The following DESI2 variants were observed in gnomAD, a reference collection of about 807,000 sequenced individuals.
DESI2 encodes deubiquitinase DESI2.
Under a neutral mutation model 24.1 loss-of-function variants are expected in DESI2, and 10 were observed. The ratio of observed to expected loss-of-function variants is 0.41; its 90% CI spans 0.26 to 0.70. The LOEUF (loss-of-function observed/expected upper bound fraction) is 0.70. DESI2 is among the 30% of genes least tolerant of loss of function. DESI2 has a pLI of 0.29. For synonymous variants in DESI2, 71 were observed against 87.7 expected (o/e 0.81, Z 1.06); for missense variants, 122 against 234.9 (o/e 0.52, Z 3.14).
At chr1:244,667,495 T>C (rs1371306381) in intron 1 of DESI2, among the ~76,000 whole-genome samples, 1 of 152,200 alleles carries the variant, frequency 6.6e-6, no homozygotes, top group Non-Finnish European at 1.5e-5. Context: ...CTTACAATGA[T>C]ATTGTATGCT....
At chr1:244,692,696 C>T (rs1677074008) in intron 4 of DESI2, among the ~76,000 whole-genome samples, 1 of 152,198 alleles carries the variant, frequency 6.6e-6, no homozygotes, top group African/African-American at 2.4e-5. Flanking sequence ...GTGGCCTCCT[C>T]TGCAGAAATG....
intron 1 of DESI2, among the ~76,000 whole-genome samples, chr1:244,664,718 C>T (rs1409502464): frequency 6.6e-6 from 1 of 152,140 alleles, no homozygotes; most frequent in Non-Finnish European, 1.5e-5. Context: ...CAAATAGGAC[C>T]AAGCATATAA....
intron 4 of DESI2, among the ~76,000 whole-genome samples, chr1:244,702,342 C>G (rs1352712477): frequency 2.0e-5 from 3 of 152,052 alleles, no homozygotes; most frequent in Non-Finnish European, 4.4e-5. Flanking sequence ...GGTGAAACGC[C>G]GTCTCTACTA....
chr1:244,665,319 A>G lies in DESI2; in HGVS notation c.42+11964A>G, dbSNP rs537310594. ...AGCACAGTCTTGAACAAGAGCTCTT[A>G]ACACTAAAATCTGCGCTCCTAACTG... On this transcript the variant is annotated intron_variant, in intron 1 of 4. Coordinates refer to ENST00000302550, the MANE Select transcript of DESI2 (RefSeq NM_016076.5). 2.8e-3 allele frequency among the ~76,000 whole-genome samples: 427 copies of G among 152,282 alleles called. 1 individual carries two copies. The highest frequency in any genetic ancestry group is 9.3e-3 in the African/African-American group (386 of 41,558).
chr1:244,696,483 G>T (rs918795016), intron 4 of DESI2, among the ~76,000 whole-genome samples: 2 of 152,110 alleles, frequency 1.3e-5, no homozygotes, highest in Non-Finnish European at 2.9e-5. Context: ...AGCTAGGCAC[G>T]GTGGTGTGTG....
intron 4 of DESI2, among the ~76,000 whole-genome samples, chr1:244,703,352 CTTT>C (rs1162562641): frequency 6.6e-6 from 1 of 151,782 alleles, no homozygotes; most frequent in Non-Finnish European, 1.5e-5. Context: ...CATATACATT[CTTT>C]TTTGTTTGTT....
chr1:244,665,126 A>G (rs1675997482), intron 1 of DESI2, among the ~76,000 whole-genome samples: 2 of 151,714 alleles, frequency 1.3e-5, no homozygotes, highest in African/African-American at 4.8e-5. Flanking sequence ...GCAAGTTTTG[A>G]TATCAGTTTT....
At chr1:244,687,316 G>A (rs1431613287) in intron 2 of DESI2, among the ~76,000 whole-genome samples, 1 of 152,116 alleles carries the variant, frequency 6.6e-6, no homozygotes, top group Non-Finnish European at 1.5e-5. Flanking sequence ...GTTTTCAACA[G>A]TTTTTTTCCA....
At chr1:244,672,255 C>T (rs1389693930) in intron 1 of DESI2, among the ~76,000 whole-genome samples, 1 of 152,170 alleles carries the variant, frequency 6.6e-6, no homozygotes, top group Non-Finnish European at 1.5e-5. Context: ...AGGGCCATCC[C>T]TTTGCTGATG....
chr1:244,673,683 G>T (rs897941910), intron 1 of DESI2, among the ~76,000 whole-genome samples: 1 of 152,050 alleles, frequency 6.6e-6, no homozygotes, highest in African/African-American at 2.4e-5. Context: ...TCCATTGAGA[G>T]TTCCATTCCC....
intron 1 of DESI2, among the ~76,000 whole-genome samples, chr1:244,675,461 C>T (rs113748904): frequency 3.3e-5 from 5 of 152,252 alleles, no homozygotes; most frequent in African/African-American, 1.2e-4. Flanking sequence ...TTATATATGG[C>T]ATGAGGTAGA....
intron 1 of DESI2, among the ~76,000 whole-genome samples, chr1:244,654,376 A>G (rs919396050): frequency 6.6e-6 from 1 of 152,218 alleles, no homozygotes; most frequent in Non-Finnish European, 1.5e-5. Flanking sequence ...CAGAAATACT[A>G]CAGGCCAAGA....
At chr1:244,703,585 A>G (rs2148819706) in intron 4 of DESI2, among the ~76,000 whole-genome samples, 1 of 151,962 alleles carries the variant, frequency 6.6e-6, no homozygotes, top group South Asian at 2.1e-4. Flanking sequence ...TCCTGGTCTC[A>G]AGTAATCCTC....
At chr1:244,685,207 G>C (rs1389638338) in intron 1 of DESI2, among the ~76,000 whole-genome samples, 2 of 151,750 alleles carry the variant, frequency 1.3e-5, no homozygotes, top group Non-Finnish European at 2.9e-5. Flanking sequence ...TAAATTCTAG[G>C]ATTTTACTTT....
chr1:244,690,195 T>C (rs1348775465), intron 3 of DESI2, among the ~76,000 whole-genome samples: 1 of 152,100 alleles, frequency 6.6e-6, no homozygotes, highest in East Asian at 1.9e-4. Flanking sequence ...CATTAGGTAT[T>C]TCTCCTAATG....
At chr1:244,694,332 G>T in intron 4 of DESI2, 2 of 511,420 alleles carry the variant, frequency 3.9e-6, no homozygotes, top group East Asian at 4.8e-5. Flanking sequence ...AGTATTATAT[G>T]GTGACATGTA....
At chr1:244,654,891 T>C (rs568184195) in intron 1 of DESI2, among the ~76,000 whole-genome samples, 12 of 152,338 alleles carry the variant, frequency 7.9e-5, no homozygotes, top group African/African-American at 2.6e-4. Flanking sequence ...GTGCCTTTTC[T>C]CCTAGATTAT....
intron 4 of DESI2, chr1:244,694,580 G>C (rs975458203): frequency 1.5e-5 from 12 of 816,746 alleles, no homozygotes; most frequent in South Asian, 1.2e-4. Context: ...TGGCACTGCC[G>C]TTATACTTTC....
chr1:244,707,136 T>C lies in DESI2; in HGVS notation c.*1347T>C, dbSNP rs1157852709. The C allele has an allele frequency of 2.0e-5, 3 of 152,666 alleles. No individual in the cohort carries two copies. The East Asian group carries it at 5.8e-4, about 29-fold the overall frequency. 9.5% of individuals were successfully genotyped at this position (152,666 alleles called of 1,614,324 possible). A position where few individuals can be genotyped will look rare whatever the true frequency, so the allele number is the denominator to read the frequency against. On this transcript the variant is annotated 3_prime_UTR_variant, in exon 5 of 5. Coordinates refer to ENST00000302550, the MANE Select transcript of DESI2 (RefSeq NM_016076.5). ...TGCAGTGTAACACTATCCAAGGCAG[T>C]GACTTCAGCTTTATATACATATAAA...
Sources: allele counts gnomAD v4.1 joint callset (sites outside exome capture counted in the v4.1 genomes callset), GRCh38; gene constraint gnomAD v4.1.1; transcripts MANE v1.5; gene names NCBI Gene and HGNC (gene_info 2026-07-23, HGNC 2026-07-21).